Variants in PODXL2 observed in about 807,000 individuals in gnomAD.
PODXL2 encodes the protein podocalyxin like 2.
PODXL2 carries 17 observed loss-of-function variants against 53.4 expected under a neutral mutation model. The ratio of observed to expected loss-of-function variants is 0.32; its 90% confidence interval spans 0.22 to 0.48. PODXL2 has a LOEUF of 0.48. PODXL2 is among the 20% of genes least tolerant of loss of function. PODXL2 has a pLI of 0.99. For synonymous variants in PODXL2, 311 were observed against 306.7 expected, an observed-to-expected ratio of 1.01 and a Z score of -0.15; for missense variants, 673 against 760.0, an observed-to-expected ratio of 0.89 and a Z score of 1.35.
At chr3:127,666,319 C>T (rs2074794790) in intron 4 of PODXL2, among the ~76,000 whole-genome samples, 1 of 151,412 alleles carries the variant, frequency 6.6e-6, no homozygotes, top group Non-Finnish European at 1.5e-5. Flanking sequence ...AGGACCATTG[C>T]CCATGTTTTT....
intron 2 of PODXL2, among the ~76,000 whole-genome samples, chr3:127,652,811 G>C (rs2074698036): frequency 6.6e-6 from 1 of 152,034 alleles, no homozygotes. Flanking sequence ...TGAAGTGGAT[G>C]GGGTAGGAAG....
chr3:127,670,524 A>ACAC (rs2074825922), intron 6 of PODXL2, among the ~76,000 whole-genome samples: 1 of 152,256 alleles, frequency 6.6e-6, no homozygotes, highest in Non-Finnish European at 1.5e-5. Context: ...GCCAAAAGTC[A>ACAC]TGCTGGGTCT....
Position 127,639,383 on chromosome 3 carries a change from T to G in PODXL2, c.209T>G (p.Leu70Arg). 1 of 1,614,226 alleles carries G rather than the reference T, an allele frequency of 6.2e-7. No individual in the cohort carries two copies. The highest frequency in any genetic ancestry group is 8.5e-7 in the Non-Finnish European group (1 of 1,180,008). ...DSEEPSETMG[L>R]GAGLGAPGSG... ...GAGGAGCCTAGTGAGACCATGGGCC[T>G]GGGAGCTGGGCTGGGAGCCCCTGGC... is the stretch of plus-strand genomic sequence containing the variant. Residue 70 changes from leucine (L) to arginine (R), a missense_variant, in exon 2 of 8, where the codon CTG becomes CGG. Transcript: ENST00000342480.
At chr3:127,631,889 C>T (rs780434280) in intron 1 of PODXL2, among the ~76,000 whole-genome samples, 10 of 152,020 alleles carry the variant, frequency 6.6e-5, no homozygotes, top group African/African-American at 1.7e-4. Context: ...AATGAAAAAC[C>T]GGGAAAATAC....
chr3:127,671,596 C>T lies in PODXL2; in HGVS notation c.1588C>T (p.Pro530Ser). 1.2e-6 allele frequency: 2 copies of T among 1,613,576 alleles called. No individual in the cohort carries two copies. The highest frequency in any genetic ancestry group is 1.7e-6 in the Non-Finnish European group (2 of 1,179,990). Reference protein sequence around the residue: ...LLYNCWQRRLPKLKHVSHGEE... With the variant: ...LLYNCWQRRLSKLKHVSHGEE... ...CTACAACTGCTGGCAGCGCCGGCTG[C>T]CCAAGCTCAAGCACGTGGTGAGTGT... The change falls in exon 7 of 8, where the codon CCC (proline) becomes TCC (serine). Residue 530 changes from proline (P) to serine (S), a missense_variant. This residue lies in a region of PODXL2 where 588 missense variants were observed against 668.3 expected (regional missense o/e 0.88). Transcript: ENST00000342480.
chr3:127,642,175 A>G (rs1283970577), intron 2 of PODXL2, among the ~76,000 whole-genome samples: 2 of 151,686 alleles, frequency 1.3e-5, no homozygotes, highest in African/African-American at 4.8e-5. Context: ...CTGTGAACCT[A>G]GCTACTCAGG....
rs1272078782 is a variant in PODXL2 at position 127,633,426 on chromosome 3, G to A, written c.70+4137G>A. On this transcript the variant is annotated intron_variant, in intron 1 of 7. Transcript: ENST00000342480. ...AGCTGTTTGACCTTAATCCCACTAGGCCTCAGTTATTTCATTTGTAAAACA... is the reference window on the plus strand; with the variant it reads ...AGCTGTTTGACCTTAATCCCACTAGACCTCAGTTATTTCATTTGTAAAACA... Among the ~76,000 whole-genome samples, 21 of 151,628 alleles carry A rather than the reference G, an allele frequency of 1.4e-4. 1 individual carries two copies. Among genetic ancestry groups the A allele is most frequent in the Admixed American group, 1.4e-3 (21 of 15,194 alleles).
At chr3:127,662,194 A>T (rs781153863) in intron 3 of PODXL2, 43 bp from the exon 4 acceptor site, 2 of 1,558,842 alleles carry the variant, frequency 1.3e-6, no homozygotes, top group Non-Finnish European at 1.8e-6. Flanking sequence ...TCCCTTTCCT[A>T]TGCCTTCGTA....
chr3:127,668,731 G>A, intron 5 of PODXL2, 134 bp downstream of exon 5: 1 of 887,020 alleles, frequency 1.1e-6, no homozygotes, highest in South Asian at 2.3e-5. Context: ...GAGCTACTTA[G>A]CTTAGTGGTC....
intron 1 of PODXL2, among the ~76,000 whole-genome samples, chr3:127,635,747 A>G (rs2074573954): frequency 1.3e-5 from 2 of 152,256 alleles, no homozygotes; most frequent in Admixed American, 6.5e-5. Flanking sequence ...TGGTGATTCC[A>G]TGCTGGTTCA....
intron 6 of PODXL2, among the ~76,000 whole-genome samples, chr3:127,669,895 A>C (rs1052121854): frequency 6.6e-6 from 1 of 152,060 alleles, no homozygotes; most frequent in Admixed American, 6.5e-5. Flanking sequence ...TCTGTTCCTC[A>C]TCTCACTTCT....
rs538950430 is a variant in PODXL2 at position 127,655,034 on chromosome 3, C to A, written c.350-5344C>A. Among the ~76,000 whole-genome samples, 27 of 152,240 alleles carry A rather than the reference C, an allele frequency of 1.8e-4. No individual in the cohort carries two copies. The East Asian group carries it at 4.8e-3, about 27-fold the overall frequency. On this transcript the variant is annotated intron_variant, in intron 2 of 7. Coordinates refer to ENST00000342480, the MANE Select transcript of PODXL2 (RefSeq NM_015720.4). ...CTCGGCTCACTGGAACCTCTGCCTC[C>A]CGTGTTCAAGCGACTCTCATGCCTC...
At chr3:127,655,440 A>G (rs2074716219) in intron 2 of PODXL2, among the ~76,000 whole-genome samples, 1 of 152,076 alleles carries the variant, frequency 6.6e-6, no homozygotes, top group Admixed American at 6.5e-5. Context: ...CAACAATAAT[A>G]ATAGCAGGAG....
Position 127,629,194 on chromosome 3 carries a change from C to G in PODXL2, c.-26C>G, listed in dbSNP as rs1187325179. On this transcript the variant is annotated 5_prime_UTR_variant, in exon 1 of 8. Transcript: ENST00000342480. This position sits in a 1 kb window ranked among gnomAD's most constrained non-coding sequence, Gnocchi z 6.4. The stretch of plus-strand genomic sequence containing the variant: ...CGCGGGCCCGGGCGCCGCGCCGCTG[C>G]GGCTGCAGGCGGCGACGGCTACACC... 2 of 981,490 alleles carry G rather than the reference C, an allele frequency of 2.0e-6. No homozygotes were observed. The highest frequency in any genetic ancestry group is 2.4e-6 in the Non-Finnish European group (2 of 828,502). 60.8% of individuals were successfully genotyped at this position (981,490 alleles called of 1,614,324 possible).
Position 127,642,193 on chromosome 3 carries a change from G to A in PODXL2, c.349+2670G>A, listed in dbSNP as rs2074625527. ...TGAACCTAGCTACTCAGGAGGCTGA[G>A]GCAGGAGAGTTGCTTGAACCTGGGA... On this transcript the variant is annotated intron_variant, in intron 2 of 7. Transcript: ENST00000342480. Among the ~76,000 whole-genome samples the A allele has an allele frequency of 2.0e-5, 3 of 151,660 alleles. No individual in the cohort carries two copies. The South Asian group carries it at 6.3e-4, about 32-fold the overall frequency.
intron 2 of PODXL2, among the ~76,000 whole-genome samples, chr3:127,651,024 G>T: frequency 6.6e-6 from 1 of 152,178 alleles, no homozygotes; most frequent in East Asian, 1.9e-4. Context: ...CAACGCTTCG[G>T]GAGGCCGAGA....
intron 5 of PODXL2, among the ~76,000 whole-genome samples, chr3:127,668,840 G>A (rs887841386): frequency 2.0e-5 from 3 of 152,232 alleles, no homozygotes; most frequent in Non-Finnish European, 4.4e-5. Flanking sequence ...GTCCAGCACA[G>A]GTGGGAGATG....
intron 6 of PODXL2, among the ~76,000 whole-genome samples, 171 bp downstream of exon 6, chr3:127,669,373 A>C (rs1407241980): frequency 6.8e-6 from 1 of 147,414 alleles, no homozygotes; most frequent in Admixed American, 6.9e-5. Flanking sequence ...TTTTGTGGGA[A>C]AGACGGTGCA....
intron 4 of PODXL2, among the ~76,000 whole-genome samples, 170 bp downstream of exon 4, chr3:127,662,481 G>A (rs1009955345): frequency 3.9e-5 from 6 of 152,180 alleles, no homozygotes; most frequent in Admixed American, 2.6e-4. Flanking sequence ...GAGAGCTTTC[G>A]TATTTTAAAA....
Sources: allele counts gnomAD v4.1 joint callset (sites outside exome capture counted in the v4.1 genomes callset), GRCh38; gene constraint gnomAD v4.1.1; regional missense constraint gnomAD v4.1.1; non-coding constraint Gnocchi (gnomAD v3.1); transcripts MANE v1.5; gene names NCBI Gene and HGNC (gene_info 2026-07-23, HGNC 2026-07-21).